CFAP99: variants seen among roughly 807,000 people sequenced by gnomAD.
The protein encoded by CFAP99 is cilia- and flagella-associated protein 99.
CFAP99 carries 84 observed loss-of-function variants against 82.7 expected under a neutral mutation model. The observed-to-expected ratio is 1.02, with a 90% CI of 0.85 to 1.22. CFAP99 has a LOEUF of 1.22. CFAP99 is among the 50% of genes most tolerant of loss of function. The pLI is 0.00. For missense variants in CFAP99, 1,059 were observed against 983.5 expected (o/e 1.08, Z -1.03); for synonymous variants, 456 against 429.5 (o/e 1.06, Z -0.76).
intron 13 of CFAP99, 48 bp from the exon 14 acceptor site, chr4:2,459,989 G>T: frequency 6.6e-7 from 1 of 1,512,296 alleles, no homozygotes; most frequent in Non-Finnish European, 8.9e-7. Context: ...GGGAAGCATC[G>T]GGGCCCAGCA....
chr4:2,430,711 A>G (rs1355476778), intron 2 of CFAP99, among the ~76,000 whole-genome samples: 1 of 151,942 alleles, frequency 6.6e-6, no homozygotes, highest in African/African-American at 2.4e-5. Context: ...TGGGGAAGGA[A>G]GATCCACTTG....
intron 2 of CFAP99, among the ~76,000 whole-genome samples, chr4:2,431,188 G>T (rs557094502): frequency 2.0e-5 from 3 of 151,112 alleles, no homozygotes; most frequent in Admixed American, 2.0e-4. Context: ...CTAACATGGT[G>T]AAACCCCGTT....
intron 8 of CFAP99, chr4:2,450,384 G>A: frequency 3.2e-6 from 1 of 310,268 alleles, no homozygotes; most frequent in South Asian, 3.3e-5. Context: ...GTGCCTGGCG[G>A]GGCTCACTCA....
chr4:2,438,256 TTTTGTTTG>T (rs202190251), intron 4 of CFAP99, 92 bp downstream of exon 4: 20 of 772,520 alleles, frequency 2.6e-5, no homozygotes, highest in African/African-American at 1.4e-4. Context: ...GGTTGGGTTG[TTTTGTTTG>T]TTTGTTTGTT....
intron 2 of CFAP99, chr4:2,427,543 C>G (rs768067183): frequency 6.6e-6 from 1 of 152,396 alleles, no homozygotes; most frequent in Non-Finnish European, 1.5e-5. Context: ...AGCAAGTGTG[C>G]TAATTCAGGC....
chr4:2,457,415 G>A (rs901342593), intron 11 of CFAP99, among the ~76,000 whole-genome samples: 1 of 151,514 alleles, frequency 6.6e-6, no homozygotes. Context: ...CGAGCTCAGC[G>A]AGCAGCCAGT....
chr4:2,450,610 C>T (rs1039512095), intron 8 of CFAP99, among the ~76,000 whole-genome samples: 1 of 152,160 alleles, frequency 6.6e-6, no homozygotes, highest in Admixed American at 6.5e-5. Context: ...CGGGGAGAGG[C>T]CATGGGGGCC....
intron 5 of CFAP99, among the ~76,000 whole-genome samples, chr4:2,443,463 C>G (rs919770532): frequency 6.6e-6 from 1 of 152,244 alleles, no homozygotes; most frequent in Non-Finnish European, 1.5e-5. Flanking sequence ...ACTGCCCAAG[C>G]CCCAGCCTGG....
chr4:2,459,307 G>A, intron 13 of CFAP99, 49 bp downstream of exon 13: 3 of 1,476,172 alleles, frequency 2.0e-6, no homozygotes, highest in African/African-American at 2.8e-5. Flanking sequence ...CCTCCACGCT[G>A]GCACTGCCAT....
intron 4 of CFAP99, among the ~76,000 whole-genome samples, chr4:2,442,279 C>G (rs1734059588): frequency 6.6e-6 from 1 of 152,080 alleles, no homozygotes; most frequent in Non-Finnish European, 1.5e-5. Context: ...GAGACCCCAG[C>G]CTCGGGGCAG....
rs1169858112 is a variant in CFAP99 at position 2,450,861 on chromosome 4, G to C, written c.796-86G>C. On this transcript the variant is annotated intron_variant, in intron 8 of 14. Coordinates refer to ENST00000635017, the Ensembl canonical transcript of CFAP99. Reference sequence around the variant, plus strand: ...GGGGTGAGCCAGGCCTCCCCAGGGTGCTGGGCCAGCATCCACCTGGTATGT... The same window carrying C: ...GGGGTGAGCCAGGCCTCCCCAGGGTCCTGGGCCAGCATCCACCTGGTATGT... 8 of 1,171,982 alleles carry C rather than the reference G, an allele frequency of 6.8e-6. 1 individual carries two copies. In the South Asian group the frequency reaches 1.1e-4, roughly 15 times the overall value. 72.6% of individuals were successfully genotyped at this position (1,171,982 alleles called of 1,614,324 possible).
exon 8 of CFAP99, chr4:2,449,939 G>A (rs1375226144): frequency 1.3e-6 from 2 of 1,536,084 alleles, no homozygotes; most frequent in Non-Finnish European, 1.7e-6. Flanking sequence ...GGCAGGAGCT[G>A]CTGCTGAGGG....
chr4:2,420,387 T>C (rs1301709982), intron 1 of CFAP99, among the ~76,000 whole-genome samples: 2 of 152,158 alleles, frequency 1.3e-5, no homozygotes, highest in Non-Finnish European at 2.9e-5. Flanking sequence ...ATTTAACGTG[T>C]CCCAAACCAC....
chr4:2,432,141 T>C (rs958374628), intron 2 of CFAP99, among the ~76,000 whole-genome samples: 5 of 152,240 alleles, frequency 3.3e-5, no homozygotes, highest in Non-Finnish European at 7.3e-5. Context: ...TTCCTCTCCA[T>C]GCAGCCATCC....
intron 4 of CFAP99, among the ~76,000 whole-genome samples, chr4:2,440,595 ATAT>A (rs1734013837): frequency 6.6e-6 from 1 of 150,882 alleles, no homozygotes; most frequent in African/African-American, 2.4e-5. Flanking sequence ...CTACAAAAAA[ATAT>A]TTTTTTTCTT....
Position 2,462,242 on chromosome 4 carries a change from A to C in CFAP99, c.1662-201A>C. 3 of 450,792 alleles carry C rather than the reference A, an allele frequency of 6.7e-6. No homozygotes were observed. In the East Asian group the frequency reaches 1.1e-4, roughly 17 times the overall value. 27.9% of individuals were successfully genotyped at this position (450,792 alleles called of 1,614,324 possible). A position where few individuals can be genotyped will look rare whatever the true frequency, so the allele number is the denominator to read the frequency against. On this transcript the variant is annotated intron_variant, in intron 14 of 14. Transcript: ENST00000635017. The surrounding 1 kb of genome is among the most constrained non-coding windows in gnomAD (Gnocchi z 4.1). ...AGATAGAAGTGCTGGAGACTCCCCC[A>C]ACCCCTCCAGCCCCTGAGCGGTGGT...
chr4:2,434,421 C>T (rs965540689), intron 2 of CFAP99, among the ~76,000 whole-genome samples: 5 of 152,232 alleles, frequency 3.3e-5, no homozygotes, highest in Admixed American at 6.5e-5. Flanking sequence ...CAACGGAGCC[C>T]TAGAACGAAG....
chr4:2,445,933 C>T (rs1734155135), intron 6 of CFAP99, among the ~76,000 whole-genome samples: 1 of 152,156 alleles, frequency 6.6e-6, no homozygotes, highest in African/African-American at 2.4e-5. Context: ...TCTGACTGGA[C>T]CAGCTTAGGT....
chr4:2,463,001 G>C (rs2108739921), downstream of CFAP99: 1 of 837,480 alleles, frequency 1.2e-6, no homozygotes, highest in Non-Finnish European at 1.6e-6. Flanking sequence ...TGCGGCCCGC[G>C]GTGCGCGCCT....
Sources: allele counts gnomAD v4.1 joint callset (sites outside exome capture counted in the v4.1 genomes callset), GRCh38; gene constraint gnomAD v4.1.1; non-coding constraint Gnocchi (gnomAD v3.1); transcripts MANE v1.5; gene names NCBI Gene and HGNC (gene_info 2026-07-23, HGNC 2026-07-21).